Variants in PFKFB3 observed in about 807,000 individuals in gnomAD.
The protein encoded by PFKFB3 is 6-phosphofructo-2-kinase/fructose-2,6-biphosphatase 3, also known as 6-phosphofructo-2-kinase/fructose-2,6-bisphosphatase 3.
Under a neutral mutation model 68.0 loss-of-function variants are expected in PFKFB3, and 33 were observed. That is an observed-to-expected ratio of 0.49 (90% CI 0.37 to 0.65). The LOEUF (loss-of-function observed/expected upper bound fraction) is 0.65. Ranked by LOEUF, PFKFB3 falls within the 30% of genes least tolerant of loss-of-function variation. The pLI is 0.00. For synonymous variants in PFKFB3, 315 were observed against 288.2 expected, an observed-to-expected ratio of 1.09 and a Z score of -0.94; for missense variants, 586 against 712.2, an observed-to-expected ratio of 0.82 and a Z score of 2.02.
chr10:6,190,031 C>T (rs1462782780), intron 1 of PFKFB3, among the ~76,000 whole-genome samples: 1 of 151,010 alleles, frequency 6.6e-6, no homozygotes, highest in Non-Finnish European at 1.5e-5. Flanking sequence ...GCAACCTCTG[C>T]CTTCCGGGTT....
chr10:6,230,624 C>G (rs1845674953), intron 14 of PFKFB3, among the ~76,000 whole-genome samples: 2 of 152,044 alleles, frequency 1.3e-5, no homozygotes, highest in South Asian at 2.1e-4. Flanking sequence ...TTTGGATACC[C>G]TCCTGTAACC....
chr10:6,163,949 A>T (rs1842047794), intron 1 of PFKFB3: 1 of 152,272 alleles, frequency 6.6e-6, no homozygotes, highest in African/African-American at 2.4e-5. Context: ...CCGGCAAAGG[A>T]TGTTTTCCGA....
In PFKFB3 at chr10:6,228,697, TGTG is replaced by T. The variant is rs770094671; in HGVS notation, c.1515+2337_1515+2339del. ...CCAAACCTATGGGGAATAGTGGGAG[TGTG>T]GTGGGGCCTGAGCTCTGAGCCTCTC... On this transcript the variant is annotated intron_variant, in intron 14 of 14. Coordinates refer to ENST00000379775, the MANE Select transcript of PFKFB3 (RefSeq NM_004566.4). The surrounding 1 kb of genome is among the most constrained non-coding windows in gnomAD (Gnocchi z 4.5). 6.6e-6 allele frequency among the ~76,000 whole-genome samples: 1 copy of T among 151,364 alleles called. No homozygotes were observed. Among genetic ancestry groups the T allele is most frequent in the Non-Finnish European group, 1.5e-5 (1 of 67,864 alleles).
Position 6,187,362 on chromosome 10 carries a change from GA to G in PFKFB3, c.17-26253del, listed in dbSNP as rs1297425277. On this transcript the variant is annotated intron_variant, in intron 1 of 14. Transcript: ENST00000379789. ...GGCCACAGAGTGATACTCCGTCTCA[GA>G]AAAAAAAGTGAAAAGGCAAGGGCCT... Among the ~76,000 whole-genome samples the G allele has an allele frequency of 5.9e-5, 9 of 151,808 alleles. No individual in the cohort carries two copies. In the East Asian group the frequency reaches 1.5e-3, roughly 26 times the overall value.
chr10:6,231,951 G>A (rs777299064), intron 14 of PFKFB3, among the ~76,000 whole-genome samples: 1 of 152,202 alleles, frequency 6.6e-6, no homozygotes, highest in Non-Finnish European at 1.5e-5. Flanking sequence ...ACGCCTGGGC[G>A]ATAGCTCTGA....
At chr10:6,278,099 G>T in the PFKFB3 span, among the ~76,000 whole-genome samples, 2 of 151,724 alleles carry the variant, frequency 1.3e-5, no homozygotes, top group African/African-American at 2.4e-5. Flanking sequence ...TGTATTTTTA[G>T]TAGAGACGGG....
At chr10:6,266,408 C>G in the PFKFB3 span, among the ~76,000 whole-genome samples, 1 of 152,142 alleles carries the variant, frequency 6.6e-6, no homozygotes, top group Non-Finnish European at 1.5e-5. Flanking sequence ...ATACTCCAGG[C>G]TCATCTTGTG....
chr10:6,314,079 G>C, the PFKFB3 span, among the ~76,000 whole-genome samples: 1 of 152,236 alleles, frequency 6.6e-6, no homozygotes, highest in African/African-American at 2.4e-5. Flanking sequence ...ACTGTTTCCT[G>C]AGAAGTAAAG....
downstream of PFKFB3, among the ~76,000 whole-genome samples, chr10:6,256,202 TTTC>T (rs1464974713): frequency 1.3e-5 from 2 of 152,198 alleles, no homozygotes; most frequent in African/African-American, 4.8e-5. Context: ...GACTGGTACT[TTTC>T]TGGAGAAGGT....
chr10:6,199,950 T>A (rs1430244356), upstream of PFKFB3, among the ~76,000 whole-genome samples: 2 of 151,904 alleles, frequency 1.3e-5, no homozygotes, highest in Non-Finnish European at 2.9e-5. Context: ...CTCAGCACCC[T>A]GGGGTTAGGG....
the PFKFB3 span, among the ~76,000 whole-genome samples, chr10:6,324,218 G>A: frequency 6.6e-6 from 1 of 152,144 alleles, no homozygotes; most frequent in Non-Finnish European, 1.5e-5. Flanking sequence ...ACAAACGACA[G>A]ACACCATATG....
the PFKFB3 span, among the ~76,000 whole-genome samples, chr10:6,303,014 C>T: frequency 5.3e-5 from 8 of 152,182 alleles, no homozygotes; most frequent in Non-Finnish European, 1.0e-4. Context: ...GAGATGAGAA[C>T]TCAGGCCTCC....
intron 1 of PFKFB3, among the ~76,000 whole-genome samples, chr10:6,191,233 T>C (rs983428414): frequency 2.0e-5 from 3 of 152,244 alleles, no homozygotes; most frequent in Admixed American, 6.5e-5. Flanking sequence ...ATACGTTGAT[T>C]GATTAAGAAG....
chr10:6,248,063 T>C (rs1308025525), intron 14 of PFKFB3, among the ~76,000 whole-genome samples: 2 of 152,224 alleles, frequency 1.3e-5, no homozygotes, highest in Non-Finnish European at 2.9e-5. Context: ...GTTATTTTCC[T>C]GGACTCACCT....
the PFKFB3 span, chr10:6,294,347 C>T: frequency 5.2e-6 from 2 of 382,764 alleles, no homozygotes; most frequent in African/African-American, 2.1e-5. Flanking sequence ...AATTGACTCA[C>T]AGTTCCACAT....
intron 1 of PFKFB3, among the ~76,000 whole-genome samples, chr10:6,156,899 C>G (rs1841819678): frequency 1.3e-5 from 2 of 151,548 alleles, no homozygotes; most frequent in South Asian, 4.2e-4. Context: ...CAAGGCCAGC[C>G]TGGGCAACAT....
chr10:6,199,201 A>C (rs11257206), upstream of PFKFB3, among the ~76,000 whole-genome samples: 4,991 of 152,286 alleles, frequency 0.033, 242 homozygotes, highest in African/African-American at 0.11. Flanking sequence ...TTGCTCCCAG[A>C]CTACCATGCT....
At chr10:6,180,214 A>AATGGATGG (rs1554843450) in intron 1 of PFKFB3, among the ~76,000 whole-genome samples, 48,530 of 151,414 alleles carry the variant, frequency 0.32, 8,579 homozygotes, top group East Asian at 0.5. Context: ...CATTCTTTTT[A>AATGGATGG]ATGGATGGAT....
the PFKFB3 span, among the ~76,000 whole-genome samples, chr10:6,292,349 AT>A: frequency 7.4e-6 from 1 of 134,676 alleles, no homozygotes; most frequent in Non-Finnish European, 1.5e-5. Flanking sequence ...CAGTGGCGCA[AT>A]CTCGGCTCAC....
Sources: allele counts gnomAD v4.1 joint callset (sites outside exome capture counted in the v4.1 genomes callset), GRCh38; gene constraint gnomAD v4.1.1; non-coding constraint Gnocchi (gnomAD v3.1); transcripts MANE v1.5; gene names NCBI Gene and HGNC (gene_info 2026-07-23, HGNC 2026-07-21).